Variants in FHIT observed in about 807,000 individuals in gnomAD.
The protein encoded by FHIT is fragile histidine triad diadenosine triphosphatase, also known as bis(5'-adenosyl)-triphosphatase.
In FHIT, 19 loss-of-function variants were observed where a neutral mutation model predicts 17.9. That is an observed-to-expected ratio of 1.06 (90% confidence interval 0.74 to 1.56). The LOEUF is 1.56. FHIT is among the 40% of genes most tolerant of loss of function. The pLI is 0.00. For missense variants in FHIT, 248 were observed against 189.2 expected (o/e 1.31, Z -1.82); for synonymous variants, 81 against 69.7 (o/e 1.16, Z -0.81).
At chr3:59,986,517 A>T (rs13088034) in intron 7 of FHIT, among the ~76,000 whole-genome samples, 1,235 of 6,970 alleles carry the variant, frequency 0.18, 8 homozygotes, top group Middle Eastern at 0.25. Flanking sequence ...ATATATATAT[A>T]TATATATATA....
At chr3:60,971,683 C>G (rs1460167837) in intron 3 of FHIT, among the ~76,000 whole-genome samples, 2 of 152,076 alleles carry the variant, frequency 1.3e-5, no homozygotes, top group Non-Finnish European at 2.9e-5. Context: ...TAGAGGCATG[C>G]AGATTCAAGT....
At chr3:60,233,087 G>A (rs999140054) in intron 5 of FHIT, among the ~76,000 whole-genome samples, 1 of 152,102 alleles carries the variant, frequency 6.6e-6, no homozygotes, top group African/African-American at 2.4e-5. Flanking sequence ...TAGACCATGA[G>A]CTGATAATTA....
At chr3:60,366,459 C>G (rs1452741651) in intron 5 of FHIT, among the ~76,000 whole-genome samples, 4 of 152,074 alleles carry the variant, frequency 2.6e-5, no homozygotes, top group Non-Finnish European at 4.4e-5. Context: ...CTCATTTGAC[C>G]CTTGCTATGT....
intron 3 of FHIT, among the ~76,000 whole-genome samples, chr3:60,932,604 G>A (rs1553772095): frequency 1.3e-5 from 2 of 152,084 alleles, no homozygotes; most frequent in African/African-American, 4.8e-5. Context: ...TTCTGTCAGT[G>A]GCCCTTTTTC....
intron 2 of FHIT, among the ~76,000 whole-genome samples, chr3:61,084,724 T>A (rs1355301077): frequency 6.6e-6 from 1 of 152,116 alleles, no homozygotes; most frequent in Non-Finnish European, 1.5e-5. Flanking sequence ...GTTTGATGAG[T>A]TTTGAATACA....
Position 59,821,759 on chromosome 3 carries a change from A to ATTTT in FHIT, c.349-69439_349-69438insAAAA, listed in dbSNP as rs1331324441. On this transcript the variant is annotated intron_variant, in intron 8 of 9. Transcript: ENST00000492590. ...CTGGTTCTTAGAGTTTTTTTTTAAA[A>ATTTT]AAAATATATAAATGATCTGCATTTA... 8.5e-3 allele frequency among the ~76,000 whole-genome samples: 1,294 copies of ATTTT among 151,660 alleles called. 14 individuals are homozygous for ATTTT. Among genetic ancestry groups the ATTTT allele is most frequent in the African/African-American group, 0.021 (882 of 41,454 alleles).
intron 3 of FHIT, among the ~76,000 whole-genome samples, chr3:60,989,113 A>G (rs1267704174): frequency 6.6e-6 from 1 of 152,080 alleles, no homozygotes; most frequent in Non-Finnish European, 1.5e-5. Flanking sequence ...AAGTTCATGG[A>G]CAGCATACCC....
intron 7 of FHIT, among the ~76,000 whole-genome samples, chr3:59,967,630 A>C (rs1229527368): frequency 1.3e-5 from 2 of 152,188 alleles, no homozygotes; most frequent in Non-Finnish European, 1.5e-5. Context: ...CTGTTTCAGA[A>C]GGGTTGGTGG....
chr3:59,752,340 G>A lies in FHIT; in HGVS notation c.349-19C>T, dbSNP rs529630125. 6.6e-5 allele frequency: 105 copies of A among 1,596,116 alleles called. No individual in the cohort carries two copies. In the South Asian group the frequency reaches 1.1e-3, roughly 17 times the overall value. The stretch of plus-strand genomic sequence containing the variant: ...TCTGGAGCTTTGGAGAAAAAAAAAG[G>A]AAGAGGCTCTTTCATGGGCCCTTGG... On this transcript the variant is annotated intron_variant, in intron 8 of 9. Transcript: ENST00000492590.
In FHIT at chr3:60,536,928, G is replaced by A. The variant is rs1040904556; in HGVS notation, c.35C>T (p.Pro12Leu). ...TTCTGTTTTGAGAAACACTACAGAG[G>A]GCTTGATGAGATGTTGGCCAAATCT... ...SFRFGQHLIK[P>L]SVVFLKTELS... The change falls in exon 5 of 10, where the codon CCC becomes CTC. Residue 12 changes from proline (P) to leucine (L), a missense_variant. By Grantham distance (98) the Pro-to-Leu change is moderately conservative. Coordinates refer to ENST00000492590, the MANE Select transcript of FHIT (RefSeq NM_002012.4). The A allele has an allele frequency of 6.2e-7, 1 of 1,612,930 alleles. No individual in the cohort carries two copies. The highest frequency in any genetic ancestry group is 8.5e-7 in the Non-Finnish European group (1 of 1,179,368).
intron 4 of FHIT, chr3:60,618,144 TG>T (rs1553676723): frequency 6.5e-6 from 1 of 153,390 alleles, no homozygotes; most frequent in East Asian, 1.9e-4. Flanking sequence ...ATTTTGAATT[TG>T]GGCCTTTCAA....
intron 8 of FHIT, among the ~76,000 whole-genome samples, chr3:59,763,326 A>G (rs1701623614): frequency 6.6e-6 from 1 of 152,196 alleles, no homozygotes; most frequent in Non-Finnish European, 1.5e-5. Context: ...CAAACACACA[A>G]CTAAGAGAGG....
At chr3:61,153,385 A>T (rs559687352) in intron 2 of FHIT, among the ~76,000 whole-genome samples, 1 of 152,336 alleles carries the variant, frequency 6.6e-6, no homozygotes, top group African/African-American at 2.4e-5. Context: ...TTCTTTAAAT[A>T]GAGGAAATAC....
intron 4 of FHIT, among the ~76,000 whole-genome samples, chr3:60,764,767 T>C (rs1699791308): frequency 6.6e-6 from 1 of 150,612 alleles, no homozygotes; most frequent in African/African-American, 2.4e-5. Flanking sequence ...TAATTACATA[T>C]AATTAATATA....
chr3:60,654,610 T>G (rs1317714194), intron 4 of FHIT, among the ~76,000 whole-genome samples: 1 of 151,998 alleles, frequency 6.6e-6, no homozygotes. Flanking sequence ...TTGAAATATA[T>G]ATTACAGAAA....
chr3:60,743,378 A>G (rs556354850), intron 4 of FHIT, among the ~76,000 whole-genome samples: 1 of 152,318 alleles, frequency 6.6e-6, no homozygotes, highest in East Asian at 1.9e-4. Context: ...TAGATGTTGA[A>G]CTGCTATTAT....
intron 3 of FHIT, among the ~76,000 whole-genome samples, chr3:60,926,580 A>C (rs1223276370): frequency 1.3e-4 from 20 of 152,226 alleles, no homozygotes; most frequent in East Asian, 5.8e-4. Flanking sequence ...AATTTATAGC[A>C]CTAAATGCCC....
chr3:61,173,415 T>C (rs1312643183), intron 2 of FHIT, among the ~76,000 whole-genome samples: 7 of 152,236 alleles, frequency 4.6e-5, no homozygotes, highest in Non-Finnish European at 1.0e-4. Context: ...AACCTCATTG[T>C]ATGTGTGTGT....
intron 4 of FHIT, among the ~76,000 whole-genome samples, chr3:60,648,951 G>A (rs1553687520): frequency 6.6e-6 from 1 of 152,144 alleles, no homozygotes; most frequent in Non-Finnish European, 1.5e-5. Context: ...CTTTTATGGA[G>A]GGCAGTTAAC....
Sources: gnomAD v4.1 joint callset for allele counts (sites outside exome capture counted in the v4.1 genomes callset) on GRCh38, gnomAD v4.1.1 for gene constraint, MANE v1.5 for transcripts, NCBI Gene and HGNC (gene_info 2026-07-23, HGNC 2026-07-21) for gene names.